GCNT1: variants seen among roughly 807,000 people sequenced by gnomAD.
GCNT1 encodes the protein glucosaminyl (N-acetyl) transferase 1.
A neutral mutation model predicts 26.2 loss-of-function variants in GCNT1; 16 were observed. That is an observed-to-expected ratio of 0.61 (90% CI 0.41 to 0.93). The LOEUF (loss-of-function observed/expected upper bound fraction) is 0.93. Among genes scored for constraint, GCNT1 ranks in the 40% least tolerant of loss-of-function variants. The probability of loss-of-function intolerance (pLI) is 0.00; values close to 1 mark genes in which losing one functional copy is unlikely to be tolerated. For synonymous variants in GCNT1, 183 were observed against 190.8 expected, an observed-to-expected ratio of 0.96 and a Z score of 0.34; for missense variants, 477 against 526.7, an observed-to-expected ratio of 0.91 and a Z score of 0.92.
At chr9:76,412,445 A>G in the GCNT1 span, among the ~76,000 whole-genome samples, 1 of 152,226 alleles carries the variant, frequency 6.6e-6, no homozygotes. Flanking sequence ...CTTACAAGGC[A>G]GATCTACTAG....
At position 76,454,070 on chromosome 9, in the gene GCNT1, A is replaced by G. The variant is rs541938907; in HGVS notation, c.-290+11755A>G. Among the ~76,000 whole-genome samples the G allele has an allele frequency of 5.3e-5, 8 of 152,266 alleles. No homozygotes were observed. In the South Asian group the frequency reaches 1.7e-3, roughly 32 times the overall value. ...AAAGGGTTTTTCTTTTTTTGGTAGT[A>G]GTAAACAATGTTAAAAAGAACCAGT... On this transcript the variant is annotated intron_variant, in intron 1 of 2. Transcript: ENST00000442371.
At position 76,503,869 on chromosome 9, in the gene GCNT1, A is replaced by G. The variant is rs1825163155; in HGVS notation, c.*201A>G. ...AGGTGATAGCATTAAATGTTCATCT[A>G]GAGTTAATAGTGGGAGGAGTAAAGG... On this transcript the variant is annotated 3_prime_UTR_variant, in exon 4 of 4. Coordinates refer to ENST00000376730, the MANE Select transcript of GCNT1 (RefSeq NM_001490.5). 1.7e-6 allele frequency: 1 copy of G among 587,896 alleles called. No individual in the cohort carries two copies. Among genetic ancestry groups the G allele is most frequent in the Non-Finnish European group, 3.1e-6 (1 of 321,116 alleles). 36.4% of individuals were successfully genotyped at this position (587,896 alleles called of 1,614,324 possible). A position where few individuals can be genotyped will look rare whatever the true frequency, so the allele number is the denominator to read the frequency against.
chr9:76,401,324 G>A, the GCNT1 span, among the ~76,000 whole-genome samples: 3 of 152,112 alleles, frequency 2.0e-5, no homozygotes, highest in Non-Finnish European at 2.9e-5. Flanking sequence ...GCTATTCACA[G>A]GCAAGCTCAT....
chr9:76,411,024 T>C, the GCNT1 span, among the ~76,000 whole-genome samples: 1 of 152,220 alleles, frequency 6.6e-6, no homozygotes, highest in Non-Finnish European at 1.5e-5. Flanking sequence ...CCCTTTTGAT[T>C]AGTGTTAGCA....
chr9:76,428,727 T>C (rs1197784993), intron 1 of GCNT1, among the ~76,000 whole-genome samples: 6 of 142,444 alleles, frequency 4.2e-5, no homozygotes, highest in African/African-American at 1.3e-4. Flanking sequence ...TGAGACAGAG[T>C]TTCGCTCTTG....
At chr9:76,450,143 A>G (rs902769314) in intron 1 of GCNT1, among the ~76,000 whole-genome samples, 2 of 152,178 alleles carry the variant, frequency 1.3e-5, no homozygotes, top group Admixed American at 1.3e-4. Context: ...GCAATAATTT[A>G]ATTGGTTCCC....
upstream of GCNT1, among the ~76,000 whole-genome samples, chr9:76,415,479 A>G (rs182060763): frequency 1.2e-4 from 18 of 152,336 alleles, no homozygotes; most frequent in Non-Finnish European, 2.4e-4. Context: ...CTATGCATAC[A>G]TATGTAATTA....
chr9:76,460,501 T>G (rs1393563400), intron 2 of GCNT1, among the ~76,000 whole-genome samples: 4 of 152,184 alleles, frequency 2.6e-5, no homozygotes, highest in African/African-American at 9.6e-5. Context: ...GGAGGAGGGC[T>G]TAGTAGTTTT....
At chr9:76,471,330 T>G (rs995685416) in intron 2 of GCNT1, among the ~76,000 whole-genome samples, 1 of 152,156 alleles carries the variant, frequency 6.6e-6, no homozygotes, top group Non-Finnish European at 1.5e-5. Flanking sequence ...CCTGCCACAC[T>G]TGTCTGTCTT....
chr9:76,494,698 A>G (rs1824854266), intron 2 of GCNT1, among the ~76,000 whole-genome samples: 1 of 152,212 alleles, frequency 6.6e-6, no homozygotes, highest in African/African-American at 2.4e-5. Context: ...TTTTTATAAT[A>G]GGGACTAGCC....
chr9:76,420,601 C>T (rs1224037037), intron 1 of GCNT1: 3 of 152,098 alleles, frequency 2.0e-5, no homozygotes, highest in Non-Finnish European at 4.4e-5. Flanking sequence ...TGACTAAAGA[C>T]ATCCAGCTAG....
At chr9:76,483,670 A>G (rs972017395) in intron 2 of GCNT1, among the ~76,000 whole-genome samples, 8 of 151,606 alleles carry the variant, frequency 5.3e-5, no homozygotes, top group Admixed American at 4.6e-4. Context: ...TGATCTTCCA[A>G]CCTCAGCCTC....
At chr9:76,461,261 C>T (rs142067020) in intron 2 of GCNT1, among the ~76,000 whole-genome samples, 3 of 149,210 alleles carry the variant, frequency 2.0e-5, no homozygotes, top group Non-Finnish European at 4.4e-5. Context: ...AAATGTAAAG[C>T]CTGATTTTAA....
chr9:76,459,429 C>T (rs35372391), intron 1 of GCNT1, 124 bp downstream of exon 1: 9,709 of 152,250 alleles, frequency 0.064, 373 homozygotes, highest in Middle Eastern at 0.11. Context: ...GCTGGGCTCC[C>T]CCGCGGAGGA....
chr9:76,413,863 A>G, the GCNT1 span, among the ~76,000 whole-genome samples: 12 of 151,686 alleles, frequency 7.9e-5, no homozygotes, highest in Non-Finnish European at 1.5e-4. Flanking sequence ...CTTGTCTCAC[A>G]GTTCTTGGAT....
Position 76,442,901 on chromosome 9 carries a change from G to T in GCNT1, c.-290+586G>T, listed in dbSNP as rs1823503687. Among the ~76,000 whole-genome samples the T allele has an allele frequency of 4.0e-5, 6 of 150,150 alleles. No homozygotes were observed. In the Admixed American group the frequency reaches 4.0e-4, roughly 10 times the overall value. On this transcript the variant is annotated intron_variant, in intron 1 of 2. Transcript: ENST00000442371. ...TTGGGAATATACTAAAGCCAAAATG[G>T]ATTTAAAACAAAACAAACACTGGCC...
chr9:76,400,463 G>A, the GCNT1 span, among the ~76,000 whole-genome samples: 1 of 152,146 alleles, frequency 6.6e-6, no homozygotes, highest in Admixed American at 6.5e-5. Context: ...TTTTCGTGCT[G>A]CTATAACCTT....
chr9:76,471,581 T>G (rs1051613441), intron 2 of GCNT1, among the ~76,000 whole-genome samples: 1 of 152,150 alleles, frequency 6.6e-6, no homozygotes, highest in Non-Finnish European at 1.5e-5. Context: ...GCAGAAAACT[T>G]ATGAGTTCCC....
At chr9:76,472,738 TCTTTTCTTTTC>T (rs1416106818) in intron 2 of GCNT1, among the ~76,000 whole-genome samples, 1 of 97,144 alleles carries the variant, frequency 1.0e-5, no homozygotes, top group African/African-American at 6.5e-5. Context: ...TCTTTTCTTT[TCTTTTCTTTTC>T]TTTTTTTTTT....
Sources: gnomAD v4.1 joint callset for allele counts (sites outside exome capture counted in the v4.1 genomes callset) on GRCh38, gnomAD v4.1.1 for gene constraint, MANE v1.5 for transcripts, NCBI Gene and HGNC (gene_info 2026-07-23, HGNC 2026-07-21) for gene names.